PDIA6: variants seen among roughly 807,000 people sequenced by gnomAD.
The protein encoded by PDIA6 is protein disulfide-isomerase A6.
PDIA6 carries 29 observed loss-of-function variants against 58.4 expected under a neutral mutation model. The observed-to-expected ratio is 0.50, with a 90% CI of 0.37 to 0.68. The LOEUF is 0.68. Among genes scored for constraint, PDIA6 ranks in the 30% least tolerant of loss-of-function variants. PDIA6 has a pLI of 0.00. For missense variants in PDIA6, 480 were observed against 551.0 expected, an observed-to-expected ratio of 0.87 and a Z score of 1.29; for synonymous variants, 192 against 202.6, an observed-to-expected ratio of 0.95 and a Z score of 0.44.
chr2:10,786,575 G>A (rs1216692100), intron 11 of PDIA6, among the ~76,000 whole-genome samples: 1 of 152,090 alleles, frequency 6.6e-6, no homozygotes, highest in Non-Finnish European at 1.5e-5. Flanking sequence ...TAGGAAGACT[G>A]GCAGCAAGAG....
At chr2:10,787,203 T>C in intron 11 of PDIA6, 78 bp downstream of exon 11, 3 of 1,220,862 alleles carry the variant, frequency 2.5e-6, no homozygotes, top group South Asian at 2.4e-5. Flanking sequence ...GGCTTATATA[T>C]ACCTAGTTCC....
At chr2:10,807,794 G>A (rs1349342786) in intron 1 of PDIA6, among the ~76,000 whole-genome samples, 2 of 152,100 alleles carry the variant, frequency 1.3e-5, no homozygotes, top group African/African-American at 4.8e-5. Flanking sequence ...CATACAACAC[G>A]TTCAATTTTT....
intron 4 of PDIA6, among the ~76,000 whole-genome samples, chr2:10,794,982 A>G (rs902691623): frequency 6.6e-6 from 1 of 152,186 alleles, no homozygotes; most frequent in Non-Finnish European, 1.5e-5. Context: ...CTCAGCATCT[A>G]TTCAGATAAT....
intron 1 of PDIA6, chr2:10,820,784 G>A (rs1044048219): frequency 5.0e-5 from 35 of 702,912 alleles, no homozygotes; most frequent in Admixed American, 2.0e-4. Context: ...GCTGGAAGTC[G>A]GAGCTGATGT....
chr2:10,824,976 G>A (rs1377007630), intron 1 of PDIA6, among the ~76,000 whole-genome samples: 1 of 152,146 alleles, frequency 6.6e-6, no homozygotes, highest in African/African-American at 2.4e-5. Context: ...GGTTGGGAAA[G>A]GCAGACCCAC....
rs145408725 is a variant in PDIA6 at position 10,819,921 on chromosome 2, G to A, written c.-47-567C>T. 8.9e-4 allele frequency among the ~76,000 whole-genome samples: 136 copies of A among 152,302 alleles called. 2 individuals are homozygous for A. The East Asian group carries it at 0.023, about 26-fold the overall frequency. ...GTGATCCGAGAAGCCCGCCTCTGCT[G>A]GTCTGCAGGTTTGTCCTGCTGGTCT... On this transcript the variant is annotated intron_variant, in intron 1 of 13. Transcript: ENST00000381611.
Position 10,812,667 on chromosome 2 carries a change from C to T in PDIA6, c.19+11G>A, listed in dbSNP as rs766315780. ...CAGCTCGCCCGCCTCCCTCCGCTGG[C>T]CCGCACCTACCGAGCACCAGGAGAG... is the stretch of plus-strand genomic sequence containing the variant. On this transcript the variant is annotated intron_variant, in intron 1 of 12. Transcript: ENST00000272227. 1.3e-6 allele frequency: 2 copies of T among 1,533,472 alleles called. No homozygotes were observed. Among genetic ancestry groups the T allele is most frequent in the Admixed American group, 3.8e-5 (2 of 52,104 alleles). 95.0% of individuals were successfully genotyped at this position (1,533,472 alleles called of 1,614,324 possible).
At chr2:10,787,865 G>C (rs13382264) in intron 10 of PDIA6, among the ~76,000 whole-genome samples, 12,461 of 152,146 alleles carry the variant, frequency 0.082, 1,725 homozygotes, top group African/African-American at 0.29. Flanking sequence ...AGGAGTTCGA[G>C]ACCAGCCTGA....
rs906076505 is a variant in PDIA6, at chr2:10,812,761, C to A, written c.-65G>T. 2.0e-4 allele frequency: 275 copies of A among 1,357,106 alleles called. 3 individuals carry two copies. Among genetic ancestry groups the A allele is most frequent in the Middle Eastern group, 1.8e-3 (8 of 4,380 alleles). The allele number at this position is 1,357,106 out of a possible 1,614,324, so 84.1% of individuals were successfully genotyped here. The stretch of plus-strand genomic sequence containing the variant: ...CGCTTCAGCCCTGCAGCGTGCCGCA[C>A]GCCGCGCCCCCGCGCCCACGTCCCG... On this transcript the variant is annotated 5_prime_UTR_variant, in exon 1 of 13. Coordinates refer to ENST00000272227, the MANE Select transcript of PDIA6 (RefSeq NM_005742.4).
At chr2:10,790,632 C>T (rs1238028305) in intron 7 of PDIA6, 87 bp downstream of exon 7, 2 of 907,252 alleles carry the variant, frequency 2.2e-6, no homozygotes, top group Non-Finnish European at 1.8e-6. Context: ...ATCTCCTTTA[C>T]TACCTCATAG....
upstream of PDIA6, chr2:10,815,551 T>C (rs1667165663): frequency 6.6e-6 from 1 of 152,218 alleles, no homozygotes; most frequent in Non-Finnish European, 1.5e-5. Flanking sequence ...ACACCCCCTT[T>C]TACTTTTTTT....
chr2:10,797,319 A>G, intron 3 of PDIA6, 112 bp from the exon 4 acceptor site: 2 of 1,060,380 alleles, frequency 1.9e-6, no homozygotes, highest in African/African-American at 1.6e-5. Context: ...CACAGGGTGC[A>G]GTTTGCAATC....
At chr2:10,833,495 G>C (rs934926850), upstream of PDIA6, among the ~76,000 whole-genome samples, 1 of 152,114 alleles carries the variant, frequency 6.6e-6, no homozygotes, top group African/African-American at 2.4e-5. Context: ...AAGGGGAGTG[G>C]CCCCCAGAAC....
chr2:10,797,805 C>G, intron 2 of PDIA6, 48 bp from the exon 3 acceptor site: 1 of 1,489,310 alleles, frequency 6.7e-7, no homozygotes, highest in South Asian at 1.2e-5. Context: ...CTTTGATTCT[C>G]AATTCAAAAA....
intron 1 of PDIA6, among the ~76,000 whole-genome samples, chr2:10,828,757 C>T (rs1448719899): frequency 6.6e-6 from 1 of 152,214 alleles, no homozygotes; most frequent in Non-Finnish European, 1.5e-5. Flanking sequence ...AAATGTGCTA[C>T]ACTGGAAACC....
At position 10,789,827 on chromosome 2, in the gene PDIA6, A is replaced by G. The variant is rs201378842; in HGVS notation, c.762T>C (p.Gly254=). 4 of 1,613,898 alleles carry G rather than the reference A, an allele frequency of 2.5e-6. No individual in the cohort carries two copies. Among genetic ancestry groups the G allele is most frequent in the East Asian group, 4.5e-5 (2 of 44,882 alleles). The stretch of plus-strand genomic sequence containing the variant: ...ACACGATGTCGGATCTTGTCCGCCC[A>G]CCGTCATAATCCACAGGAGACTCGC... ...QKGESPVDYD[G]GRTRSDIVSR... Residue 254 remains glycine, a synonymous_variant, in exon 8 of 13, where the codon GGT becomes GGC. Transcript: ENST00000272227.
At chr2:10,805,068 TTAAAC>T (rs1173089285) in intron 1 of PDIA6, among the ~76,000 whole-genome samples, 2 of 151,938 alleles carry the variant, frequency 1.3e-5, no homozygotes, top group African/African-American at 4.8e-5. Context: ...ATGGATCTAA[TTAAAC>T]TAAAGAGCTT....
chr2:10,784,161 GGTAGAGTCATCTGAGT>G lies in PDIA6; in HGVS notation c.*81_*96del. 1 of 846,028 alleles carries G rather than the reference GGTAGAGTCATCTGAGT, an allele frequency of 1.2e-6. No individual in the cohort carries two copies. 52.4% of individuals were successfully genotyped at this position (846,028 alleles called of 1,614,324 possible). A position where few individuals can be genotyped will look rare whatever the true frequency, so the allele number is the denominator to read the frequency against. On this transcript the variant is annotated 3_prime_UTR_variant, in exon 13 of 13. Transcript: ENST00000272227. Reference sequence around the variant, plus strand: ...ACTACTTCTTGGTTAAAAGGCCACTGGTAGAGTCATCTGAGTGTAGAGAATGTCCCTTCACTGCTGG... The same window carrying G: ...ACTACTTCTTGGTTAAAAGGCCACTGGTAGAGAATGTCCCTTCACTGCTGG...
At chr2:10,790,647 G>A (rs1665991426) in intron 7 of PDIA6, 72 bp downstream of exon 7, 4 of 1,055,768 alleles carry the variant, frequency 3.8e-6, no homozygotes, top group Non-Finnish European at 5.9e-6. Flanking sequence ...TCATAGGGAG[G>A]CCTGGAGTAT....
Sources: allele counts gnomAD v4.1 joint callset (sites outside exome capture counted in the v4.1 genomes callset), GRCh38; gene constraint gnomAD v4.1.1; transcripts MANE v1.5; gene names NCBI Gene and HGNC (gene_info 2026-07-23, HGNC 2026-07-21).